TRRAP: variants seen among roughly 807,000 people sequenced by gnomAD.
TRRAP encodes transformation/transcription domain associated protein.
In TRRAP, 41 loss-of-function variants were observed where a neutral mutation model predicts 438.8. That is an observed-to-expected ratio of 0.09 (90% confidence interval 0.07 to 0.12). TRRAP has a LOEUF of 0.12. TRRAP is among the 10% of genes least tolerant of loss of function. The pLI is 1.00. For missense variants in TRRAP, 3,122 were observed against 5,055.1 expected, an observed-to-expected ratio of 0.62 and a Z score of 11.60; for synonymous variants, 1,994 against 1,962.9, an observed-to-expected ratio of 1.02 and a Z score of -0.42.
At chr7:98,993,426 T>C (rs1382680701) in intron 65 of TRRAP, 112 bp from the exon 66 acceptor site, 30 of 1,184,972 alleles carry the variant, frequency 2.5e-5, no homozygotes, top group Non-Finnish European at 3.5e-5. Flanking sequence ...CTTGTAGGGA[T>C]TCACACGCCG....
rs560868457 is a variant in TRRAP at position 98,907,800 on chromosome 7, C to G, written c.1116-928C>G. ...ACGCCGCCCCCTACAGCCCCCATCC[C>G]TGACCTGCTTCAGCCATGCTGGCCC... On this transcript the variant is annotated intron_variant, in intron 13 of 72. Coordinates refer to ENST00000456197, the MANE Select transcript of TRRAP (RefSeq NM_001375524.1). 2.7e-5 allele frequency among the ~76,000 whole-genome samples: 4 copies of G among 150,092 alleles called. No homozygotes were observed. The South Asian group carries it at 6.3e-4, about 23-fold the overall frequency.
chr7:99,006,140 G>A (rs895964865), intron 69 of TRRAP, among the ~76,000 whole-genome samples: 3 of 152,164 alleles, frequency 2.0e-5, no homozygotes, highest in Non-Finnish European at 2.9e-5. Flanking sequence ...CTGAGTTATC[G>A]TGAGTGGCCT....
In TRRAP at chr7:98,897,672, TTTTGTTTTG is replaced by T. The variant is rs1554405958; in HGVS notation, c.508-65_508-57del. Reference sequence around the variant, plus strand: ...TCAAGCGTCTTTTTGTTTTGTTTTGTTTTGTTTTGTTTTTGAATGAATATTGGGTTTGAC... The same window carrying T: ...TCAAGCGTCTTTTTGTTTTGTTTTGTTTTTTGAATGAATATTGGGTTTGAC... On this transcript the variant is annotated intron_variant, in intron 7 of 72. Coordinates refer to ENST00000456197, the MANE Select transcript of TRRAP (RefSeq NM_001375524.1). The T allele has an allele frequency of 4.8e-6, 7 of 1,449,850 alleles. No individual in the cohort carries two copies. In the African/African-American group the frequency reaches 1.0e-4, roughly 22 times the overall value. 89.8% of individuals were successfully genotyped at this position (1,449,850 alleles called of 1,614,324 possible). A position where few individuals can be genotyped will look rare whatever the true frequency, so the allele number is the denominator to read the frequency against.
At position 98,937,388 on chromosome 7, in the gene TRRAP, A is replaced by T; in HGVS notation, c.4233+111A>T. On this transcript the variant is annotated intron_variant, in intron 29 of 72. Transcript: ENST00000456197. ...TGCTATATAAACAGTGTATGCCTAAAAGGCTTTATGCATGTGGTTATTACA... is the reference window on the plus strand; with the variant it reads ...TGCTATATAAACAGTGTATGCCTAATAGGCTTTATGCATGTGGTTATTACA... 3 of 1,436,028 alleles carry T rather than the reference A, an allele frequency of 2.1e-6. No homozygotes were observed. The South Asian group carries it at 4.4e-5, about 21-fold the overall frequency. 89.0% of individuals were successfully genotyped at this position (1,436,028 alleles called of 1,614,324 possible).
chr7:98,924,688 CA>C (rs34211183), intron 21 of TRRAP, among the ~76,000 whole-genome samples: 8,880 of 95,232 alleles, frequency 0.093, 977 homozygotes, highest in African/African-American at 0.29. Flanking sequence ...GACTCCGTCT[CA>C]AAAAAAAAAA....
chr7:98,878,943 C>G (rs1190401127), intron 1 of TRRAP, among the ~76,000 whole-genome samples: 1 of 152,146 alleles, frequency 6.6e-6, no homozygotes, highest in African/African-American at 2.4e-5. Context: ...AAGGAGGGAA[C>G]CGGAGGGCCG....
chr7:98,977,733 T>A (rs1309024726), intron 56 of TRRAP, among the ~76,000 whole-genome samples: 1 of 152,216 alleles, frequency 6.6e-6, no homozygotes, highest in Non-Finnish European at 1.5e-5. Context: ...TTCCTAGCAC[T>A]GTGTAGGGTG....
At chr7:98,911,357 T>A in intron 17 of TRRAP, 86 bp downstream of exon 17, 2 of 1,322,124 alleles carry the variant, frequency 1.5e-6, no homozygotes, top group Non-Finnish European at 2.0e-6. Flanking sequence ...TCAAGGATTT[T>A]AAAAATAATG....
chr7:98,946,736 A>G (rs190252734), intron 33 of TRRAP, among the ~76,000 whole-genome samples: 1 of 152,252 alleles, frequency 6.6e-6, no homozygotes, highest in Admixed American at 6.5e-5. Flanking sequence ...CATTGCACAC[A>G]CCCCGAGCTT....
intron 61 of TRRAP, among the ~76,000 whole-genome samples, chr7:98,984,737 G>A (rs1310322081): frequency 6.6e-6 from 1 of 152,122 alleles, no homozygotes; most frequent in East Asian, 1.9e-4. Flanking sequence ...TAAGTATTTA[G>A]GATTAAATAC....
chr7:98,946,346 C>T (rs1167716013), intron 33 of TRRAP, among the ~76,000 whole-genome samples: 1 of 152,126 alleles, frequency 6.6e-6, no homozygotes, highest in African/African-American at 2.4e-5. Flanking sequence ...TACTGACTGC[C>T]CTGAATTTAA....
chr7:98,935,509 C>A, intron 27 of TRRAP, 70 bp from the exon 28 acceptor site: 1 of 1,369,368 alleles, frequency 7.3e-7, no homozygotes, highest in Non-Finnish European at 1.0e-6. Flanking sequence ...TTGCTGTGTT[C>A]TGTTATTTGC....
At position 98,956,501 on chromosome 7, in the gene TRRAP, C is replaced by T. The variant is rs771205391; in HGVS notation, c.6199C>T (p.Arg2067Cys). The T allele has an allele frequency of 5.6e-6, 9 of 1,614,020 alleles. No homozygotes were observed. Among genetic ancestry groups the T allele is most frequent in the South Asian group, 2.2e-5 (2 of 91,070 alleles). ...CGTGGATTCTGCCCAGGAAGTGAAA[C>T]GCTTTAGGACGGCCACCGGAGCCAT... ...LSVDSAQEVKRFRTATGAISA... is the reference protein window; with the variant it reads ...LSVDSAQEVKCFRTATGAISA... The change falls in exon 43 of 73, where the codon CGC becomes TGC. Residue 2067 changes from arginine (R) to cysteine (C), a missense_variant. Coordinates refer to ENST00000456197, the MANE Select transcript of TRRAP (RefSeq NM_001375524.1). The surrounding 1 kb of genome is among the most constrained non-coding windows in gnomAD (Gnocchi z 4.5).
At chr7:99,002,585 G>A (rs1041665703) in intron 67 of TRRAP, among the ~76,000 whole-genome samples, 5 of 152,186 alleles carry the variant, frequency 3.3e-5, no homozygotes, top group African/African-American at 1.2e-4. Flanking sequence ...GTCTCTCGCG[G>A]CTCTGCTGGG....
intron 20 of TRRAP, 54 bp from the exon 21 acceptor site, chr7:98,921,699 C>T: frequency 1.2e-6 from 2 of 1,605,666 alleles, no homozygotes; most frequent in Admixed American, 1.7e-5. Flanking sequence ...TTGATCCGAA[C>T]CTCGTGAAGG....
intron 23 of TRRAP, among the ~76,000 whole-genome samples, chr7:98,928,254 CA>C (rs370021197): frequency 2.0e-5 from 3 of 151,528 alleles, no homozygotes; most frequent in Non-Finnish European, 4.4e-5. Context: ...AAAAAAAAGA[CA>C]AAAAAAATGT....
intron 67 of TRRAP, among the ~76,000 whole-genome samples, chr7:98,996,465 A>G (rs1562977337): frequency 6.6e-6 from 1 of 152,242 alleles, no homozygotes; most frequent in African/African-American, 2.4e-5. Flanking sequence ...AAGTGTCAGC[A>G]CATGAGTGAT....
intron 39 of TRRAP, among the ~76,000 whole-genome samples, chr7:98,952,620 G>T (rs1791391173): frequency 6.6e-6 from 1 of 152,198 alleles, no homozygotes; most frequent in Non-Finnish European, 1.5e-5. Flanking sequence ...ATGTGTCCGG[G>T]AGAGACATTT....
In TRRAP at chr7:99,005,062, GCTT is replaced by G. The variant is rs1477860687; in HGVS notation, c.10536-63_10536-61del. On this transcript the variant is annotated intron_variant, in intron 68 of 72. Transcript: ENST00000456197. The surrounding 1 kb of genome is among the most constrained non-coding windows in gnomAD (Gnocchi z 5.1). ...TCCCGTGACAGTTCGGACATTCCTA[GCTT>G]CTTCTCAAGACAAGGACTGGTAGCA... 8.5e-6 allele frequency: 13 copies of G among 1,522,166 alleles called. No homozygotes were observed. The highest frequency in any genetic ancestry group is 1.4e-5 in the African/African-American group (1 of 73,230). 94.3% of individuals were successfully genotyped at this position (1,522,166 alleles called of 1,614,324 possible). A position where few individuals can be genotyped will look rare whatever the true frequency, so the allele number is the denominator to read the frequency against.
Sources: allele counts gnomAD v4.1 joint callset (sites outside exome capture counted in the v4.1 genomes callset), GRCh38; gene constraint gnomAD v4.1.1; non-coding constraint Gnocchi (gnomAD v3.1); transcripts MANE v1.5; gene names NCBI Gene and HGNC (gene_info 2026-07-23, HGNC 2026-07-21).